KIF21A: variants seen among roughly 807,000 people sequenced by gnomAD.
KIF21A encodes kinesin-like protein KIF21A.
KIF21A carries 114 observed loss-of-function variants against 202.9 expected under a neutral mutation model. The ratio of observed to expected loss-of-function variants is 0.56; its 90% confidence interval spans 0.48 to 0.66. The LOEUF is 0.66. Ranked by LOEUF, KIF21A falls within the 30% of genes least tolerant of loss-of-function variation. The pLI, the probability that KIF21A is intolerant of heterozygous loss-of-function variation, is 0.00. For synonymous variants in KIF21A, 667 were observed against 670.8 expected (o/e 0.99, Z 0.09); for missense variants, 1,677 against 1,994.9 (o/e 0.84, Z 3.04).
At chr12:39,400,545 T>C (rs1272369486) in intron 1 of KIF21A, among the ~76,000 whole-genome samples, 4 of 152,166 alleles carry the variant, frequency 2.6e-5, no homozygotes, top group Non-Finnish European at 1.5e-5. Context: ...GGTGTTTGGT[T>C]TTCTGTTCCT....
chr12:39,328,008 T>A (rs184635882), intron 24 of KIF21A, among the ~76,000 whole-genome samples: 16 of 152,294 alleles, frequency 1.1e-4, no homozygotes, highest in East Asian at 5.8e-4. Context: ...AAAAAGTTTT[T>A]TATATATATA....
chr12:39,388,564 G>A lies in KIF21A; in HGVS notation c.45-18303C>T, dbSNP rs530946635. On this transcript the variant is annotated intron_variant, in intron 1 of 37. Transcript: ENST00000361418. ...GGGACAGCAAAGCCACAAGATAGAA[G>A]GAGCCTTAGTCCCCAGCACTGCAGA... is the stretch of plus-strand genomic sequence containing the variant. Among the ~76,000 whole-genome samples, 3 of 152,256 alleles carry A rather than the reference G, an allele frequency of 2.0e-5. No individual in the cohort carries two copies. In the East Asian group the frequency reaches 5.8e-4, roughly 29 times the overall value.
intron 6 of KIF21A, among the ~76,000 whole-genome samples, chr12:39,363,561 A>G (rs564355634): frequency 7.2e-5 from 11 of 152,284 alleles, no homozygotes; most frequent in African/African-American, 2.2e-4. Context: ...CCTCAACTCA[A>G]TGTAAAAATA....
At chr12:39,327,980 CT>C (rs1345787361) in intron 24 of KIF21A, among the ~76,000 whole-genome samples, 4 of 152,148 alleles carry the variant, frequency 2.6e-5, no homozygotes, top group Non-Finnish European at 5.9e-5. Flanking sequence ...AAAAGTCTTC[CT>C]TTAAAGTTAT....
At chr12:39,294,883 C>A (rs1003246388) in intron 37 of KIF21A, among the ~76,000 whole-genome samples, 5 of 152,166 alleles carry the variant, frequency 3.3e-5, no homozygotes, top group Admixed American at 2.6e-4. Flanking sequence ...CAGTCTGGCT[C>A]CGAGCCCTAT....
chr12:39,311,683 T>C, intron 31 of KIF21A, 130 bp from the exon 32 acceptor site: 1 of 874,556 alleles, frequency 1.1e-6, no homozygotes, highest in Admixed American at 2.1e-5. Context: ...AAATCCAGAC[T>C]GCTCTCTTTT....
chr12:39,322,634 A>T, intron 27 of KIF21A, 34 bp downstream of exon 27: 1 of 1,531,104 alleles, frequency 6.5e-7, no homozygotes, highest in Non-Finnish European at 9.0e-7. Context: ...TAAAGCCAAA[A>T]GAAAAGAAGT....
At chr12:39,337,013 A>G in intron 17 of KIF21A, 83 bp downstream of exon 17, 1 of 858,024 alleles carries the variant, frequency 1.2e-6, no homozygotes, top group Non-Finnish European at 2.0e-6. Flanking sequence ...AGTTATGGTT[A>G]CCAGAAATTT....
At chr12:39,318,332 T>C in intron 28 of KIF21A, 131 bp from the exon 29 acceptor site, 2 of 877,884 alleles carry the variant, frequency 2.3e-6, no homozygotes, top group Non-Finnish European at 3.5e-6. Flanking sequence ...CTTCCTTTTT[T>C]GTAAGATAAA....
intron 1 of KIF21A, among the ~76,000 whole-genome samples, chr12:39,407,508 C>A (rs1264410968): frequency 6.6e-6 from 1 of 152,128 alleles, no homozygotes; most frequent in Admixed American, 6.6e-5. Context: ...ATAGTCTATT[C>A]TCAATCTTCA....
At chr12:39,415,065 T>C (rs1400003630) in intron 1 of KIF21A, among the ~76,000 whole-genome samples, 3 of 151,684 alleles carry the variant, frequency 2.0e-5, no homozygotes, top group Non-Finnish European at 4.4e-5. Flanking sequence ...CTAATGAAGT[T>C]AGTCTAAACG....
chr12:39,297,734 A>G (rs561507258), intron 37 of KIF21A, among the ~76,000 whole-genome samples: 5 of 151,940 alleles, frequency 3.3e-5, no homozygotes, highest in Admixed American at 1.3e-4. Context: ...CTTAAATTAA[A>G]AAAAAAAAGT....
chr12:39,373,008 A>G (rs141583025), intron 1 of KIF21A, among the ~76,000 whole-genome samples: 1 of 152,270 alleles, frequency 6.6e-6, no homozygotes, highest in Non-Finnish European at 1.5e-5. Flanking sequence ...ACCCTAATGA[A>G]GGCCATCATT....
At chr12:39,331,062 TCATG>T in intron 22 of KIF21A, 151 bp from the exon 23 acceptor site, 1 of 757,716 alleles carries the variant, frequency 1.3e-6, no homozygotes, top group East Asian at 2.7e-5. Flanking sequence ...GGCTTAGTGA[TCATG>T]TACAAGTTCA....
In KIF21A at chr12:39,415,381, A is replaced by C. The variant is rs556690241; in HGVS notation, c.44+27546T>G. Among the ~76,000 whole-genome samples, 588 of 151,716 alleles carry C rather than the reference A, an allele frequency of 3.9e-3. 2 individuals carry two copies. Among genetic ancestry groups the C allele is most frequent in the African/African-American group, 0.013 (559 of 41,408 alleles). ...CAGCCTCCGGAGTAGCTGGGACTAC[A>C]GGCGCCCGCCACCACGCCCGGCTAA... On this transcript the variant is annotated intron_variant, in intron 1 of 37. Coordinates refer to ENST00000361418, the MANE Select transcript of KIF21A (RefSeq NM_001173464.2).
chr12:39,341,195 T>A, intron 14 of KIF21A, 101 bp from the exon 15 acceptor site: 1 of 961,838 alleles, frequency 1.0e-6, no homozygotes, highest in African/African-American at 1.6e-5. Flanking sequence ...GGTATTTTTA[T>A]TCACTTAGTA....
intron 1 of KIF21A, among the ~76,000 whole-genome samples, chr12:39,424,175 T>C (rs1471298591): frequency 6.6e-6 from 1 of 152,034 alleles, no homozygotes; most frequent in African/African-American, 2.4e-5. Context: ...ATAAATAACT[T>C]AACTCCAACC....
At chr12:39,341,126 G>A in intron 14 of KIF21A, 32 bp from the exon 15 acceptor site, 1 of 1,472,790 alleles carries the variant, frequency 6.8e-7, no homozygotes, top group Non-Finnish European at 9.3e-7. Flanking sequence ...AAAAATCCTG[G>A]TGCTAGGCCA....
chr12:39,318,187 G>C lies in KIF21A; in HGVS notation c.3794C>G (p.Thr1265Ser). 1.2e-6 allele frequency: 2 copies of C among 1,613,318 alleles called. No homozygotes were observed. Among genetic ancestry groups the C allele is most frequent in the Non-Finnish European group, 1.7e-6 (2 of 1,179,422 alleles). ...AKEQKHSDSG[T>S]SEASLSPPSS... The stretch of plus-strand genomic sequence containing the variant: ...AGGAGGTGAAAGACTAGCCTCTGAA[G>C]TTCCAGAATCTGAGCTACAAGAAAA... The change falls in exon 29 of 38, where the codon ACT becomes AGT. Residue 1265 changes from threonine (T) to serine (S), a missense_variant. Coordinates refer to ENST00000361418, the MANE Select transcript of KIF21A (RefSeq NM_001173464.2).
Sources: gnomAD v4.1 joint callset for allele counts (sites outside exome capture counted in the v4.1 genomes callset) on GRCh38, gnomAD v4.1.1 for gene constraint, MANE v1.5 for transcripts, NCBI Gene and HGNC (gene_info 2026-07-23, HGNC 2026-07-21) for gene names.